The following LARGE1 variants were observed in gnomAD, a reference collection of about 807,000 sequenced individuals.
The protein encoded by LARGE1 is xylosyl- and glucuronyltransferase LARGE1.
LARGE1 carries 43 observed loss-of-function variants against 87.6 expected under a neutral mutation model. The observed-to-expected ratio is 0.49, with a 90% CI of 0.38 to 0.63. The LOEUF is 0.63. LARGE1 is among the 30% of genes least tolerant of loss of function. The pLI is 0.00. For missense variants in LARGE1, 802 were observed against 1,000.2 expected (o/e 0.80, Z 2.67); for synonymous variants, 434 against 394.6 (o/e 1.10, Z -1.18).
chr22:33,861,675 A>C (rs1031195695), intron 1 of LARGE1: 4 of 152,332 alleles, frequency 2.6e-5, no homozygotes, highest in African/African-American at 9.7e-5. Context: ...CCTGCCCCCC[A>C]GCACTTCGCG....
intron 1 of LARGE1, among the ~76,000 whole-genome samples, chr22:33,778,090 C>T (rs1261966770): frequency 6.6e-6 from 1 of 152,156 alleles, no homozygotes; most frequent in African/African-American, 2.4e-5. Flanking sequence ...TCACCAAAGC[C>T]ACCACAGGAG....
chr22:33,830,156 G>A (rs2062924183), intron 1 of LARGE1, among the ~76,000 whole-genome samples: 1 of 152,086 alleles, frequency 6.6e-6, no homozygotes, highest in South Asian at 2.1e-4. Context: ...TGCTCCCACC[G>A]TGACACCCAA....
At chr22:33,177,377 T>C (rs1339059445) in intron 11 of LARGE1, among the ~76,000 whole-genome samples, 1 of 152,218 alleles carries the variant, frequency 6.6e-6, no homozygotes, top group African/African-American at 2.4e-5. Flanking sequence ...GGATATTTAA[T>C]ATATTAGAGA....
intron 4 of LARGE1, among the ~76,000 whole-genome samples, chr22:33,605,256 A>G (rs1386545414): frequency 6.6e-6 from 1 of 152,090 alleles, no homozygotes; most frequent in African/African-American, 2.4e-5. Flanking sequence ...ACTTTTGATA[A>G]TAAAATCAGA....
Position 33,395,194 on chromosome 22 carries a change from A to G in LARGE1, c.893-10890T>C, listed in dbSNP as rs149335056. Among the ~76,000 whole-genome samples the G allele has an allele frequency of 8.9e-3, 1,225 of 137,262 alleles. 18 individuals are homozygous for G. Among genetic ancestry groups the G allele is most frequent in the African/African-American group, 0.033 (1,154 of 34,538 alleles). 90.0% of individuals were successfully genotyped at this position (137,262 alleles called of 152,430 possible). A position where few individuals can be genotyped will look rare whatever the true frequency, so the allele number is the denominator to read the frequency against. ...CAGTGAGCCGAGATCGCGCCGCTGC[A>G]CTCCAGCCTGGGTGACGCAGCGACT... is the stretch of plus-strand genomic sequence containing the variant. On this transcript the variant is annotated intron_variant, in intron 7 of 14. Coordinates refer to ENST00000397394, the MANE Select transcript of LARGE1 (RefSeq NM_133642.5).
chr22:33,522,351 C>T (rs1008557688), intron 6 of LARGE1, among the ~76,000 whole-genome samples: 1 of 152,152 alleles, frequency 6.6e-6, no homozygotes, highest in African/African-American at 2.4e-5. Flanking sequence ...GCACTCCCAC[C>T]AGCATCACCA....
At chr22:33,897,460 G>A (rs28706539) in intron 1 of LARGE1, among the ~76,000 whole-genome samples, 37 of 152,138 alleles carry the variant, frequency 2.4e-4, no homozygotes, top group African/African-American at 8.2e-4. Flanking sequence ...GAGGCAAGCT[G>A]GGCCTGGAGA....
At chr22:33,769,580 A>ACCC (rs1162585121) in intron 1 of LARGE1, among the ~76,000 whole-genome samples, 1 of 152,084 alleles carries the variant, frequency 6.6e-6, no homozygotes, top group African/African-American at 2.4e-5. Context: ...ATCACACGAT[A>ACCC]CCCCTCAGCC....
chr22:33,449,107 G>T (rs1449275302), intron 6 of LARGE1, among the ~76,000 whole-genome samples: 1 of 152,112 alleles, frequency 6.6e-6, no homozygotes, highest in South Asian at 2.1e-4. Context: ...ACTGCTGAGT[G>T]GTATTTCCAA....
At chr22:33,115,687 A>T in the LARGE1 span, among the ~76,000 whole-genome samples, 1 of 151,920 alleles carries the variant, frequency 6.6e-6, no homozygotes, top group Non-Finnish European at 1.5e-5. Flanking sequence ...GCATGGTGGC[A>T]CACACCTGTA....
intron 6 of LARGE1, among the ~76,000 whole-genome samples, chr22:33,435,372 C>T (rs947242086): frequency 6.6e-6 from 1 of 152,204 alleles, no homozygotes; most frequent in African/African-American, 2.4e-5. Context: ...CAGGCACCCA[C>T]AGACCTCATT....
At chr22:33,636,279 G>A (rs1025578994) in intron 3 of LARGE1, among the ~76,000 whole-genome samples, 1 of 152,154 alleles carries the variant, frequency 6.6e-6, no homozygotes, top group African/African-American at 2.4e-5. Flanking sequence ...GATCCATCAT[G>A]GGGGCCTCTG....
intron 6 of LARGE1, among the ~76,000 whole-genome samples, chr22:33,502,060 C>T (rs1314443870): frequency 2.6e-5 from 4 of 151,958 alleles, no homozygotes; most frequent in Non-Finnish European, 5.9e-5. Context: ...GCCGGGCATG[C>T]TGGCAGGCGC....
At chr22:33,680,349 T>C (rs562551128) in intron 2 of LARGE1, among the ~76,000 whole-genome samples, 2 of 152,046 alleles carry the variant, frequency 1.3e-5, no homozygotes, top group South Asian at 4.2e-4. Context: ...CAGAAGAGGC[T>C]TTTGATGCAC....
chr22:33,916,138 G>C (rs547259224), intron 1 of LARGE1, among the ~76,000 whole-genome samples: 2 of 152,010 alleles, frequency 1.3e-5, no homozygotes, highest in African/African-American at 4.8e-5. Context: ...AAAATTAGCC[G>C]GGCGTGGGGG....
intron 6 of LARGE1, among the ~76,000 whole-genome samples, chr22:33,510,822 A>G (rs1171167369): frequency 6.6e-6 from 1 of 152,164 alleles, no homozygotes; most frequent in Non-Finnish European, 1.5e-5. Context: ...CCTGAACTCA[A>G]GCAATCCGCC....
At chr22:33,544,715 G>A (rs1335408294) in intron 6 of LARGE1, among the ~76,000 whole-genome samples, 5 of 89,888 alleles carry the variant, frequency 5.6e-5, no homozygotes, top group African/African-American at 1.6e-4. Flanking sequence ...CAACAACAAC[G>A]AGTACCTTTC....
chr22:33,789,675 G>A (rs527994058), intron 1 of LARGE1, among the ~76,000 whole-genome samples: 10 of 152,340 alleles, frequency 6.6e-5, no homozygotes, highest in East Asian at 1.9e-4. Context: ...TAGAGGATGT[G>A]AGACATGGAA....
chr22:33,698,229 C>T (rs922451986), intron 2 of LARGE1, among the ~76,000 whole-genome samples: 2 of 151,968 alleles, frequency 1.3e-5, no homozygotes, highest in Admixed American at 6.6e-5. Context: ...CACGCCACCA[C>T]GCTCGGCTAA....
Sources: gnomAD v4.1 joint callset for allele counts (sites outside exome capture counted in the v4.1 genomes callset) on GRCh38, gnomAD v4.1.1 for gene constraint, MANE v1.5 for transcripts, NCBI Gene and HGNC (gene_info 2026-07-23, HGNC 2026-07-21) for gene names.